The following SIPA1L1 variants were observed in gnomAD, a reference collection of about 807,000 sequenced individuals.
SIPA1L1 encodes the protein signal induced proliferation associated 1 like 1.
Under a neutral mutation model 162.7 loss-of-function variants are expected in SIPA1L1, and 26 were observed. That is an observed-to-expected ratio of 0.16 (90% CI 0.12 to 0.22). The LOEUF is 0.22. SIPA1L1 is among the 10% of genes least tolerant of loss of function. The pLI is 1.00. For synonymous variants in SIPA1L1, 829 were observed against 837.4 expected, an observed-to-expected ratio of 0.99 and a Z score of 0.17; for missense variants, 1,874 against 2,241.0, an observed-to-expected ratio of 0.84 and a Z score of 3.31.
intron 2 of SIPA1L1, among the ~76,000 whole-genome samples, chr14:71,446,894 G>GGTTTTTTTT (rs2045394010): frequency 2.3e-5 from 2 of 87,404 alleles, no homozygotes; most frequent in African/African-American, 4.3e-5. Context: ...GATGGGCTCT[G>GGTTTTTTTT]TTTTTTTTTT....
intron 2 of SIPA1L1, chr14:71,330,796 A>C: frequency 1.4e-6 from 1 of 705,212 alleles, no homozygotes; most frequent in Non-Finnish European, 2.6e-6. Flanking sequence ...TGACGACCTC[A>C]GGCTTCACTC....
chr14:71,403,621 A>T (rs1289026481), intron 2 of SIPA1L1, among the ~76,000 whole-genome samples: 2 of 151,882 alleles, frequency 1.3e-5, no homozygotes, highest in Non-Finnish European at 1.5e-5. Context: ...AAAAAAAAAA[A>T]AAATCTTAAT....
chr14:71,659,560 C>CATT (rs2043332847), intron 9 of SIPA1L1, among the ~76,000 whole-genome samples: 1 of 151,968 alleles, frequency 6.6e-6, no homozygotes, highest in South Asian at 2.1e-4. Flanking sequence ...AGAAAAACAC[C>CATT]ATGCTAAGAA....
intron 7 of SIPA1L1, among the ~76,000 whole-genome samples, chr14:71,629,813 T>A (rs2148707748): frequency 6.6e-6 from 1 of 152,352 alleles, no homozygotes; most frequent in East Asian, 1.9e-4. Flanking sequence ...GAGAAAGTGA[T>A]CATATTTAAT....
intron 3 of SIPA1L1, among the ~76,000 whole-genome samples, chr14:71,527,259 T>C (rs2052975274): frequency 6.6e-6 from 1 of 152,328 alleles, no homozygotes; most frequent in South Asian, 2.1e-4. Flanking sequence ...GCGATCCTCC[T>C]GCTTCAGCCT....
chr14:71,650,272 C>A, intron 7 of SIPA1L1, 63 bp from the exon 8 acceptor site: 1 of 1,551,916 alleles, frequency 6.4e-7, no homozygotes, highest in Non-Finnish European at 8.9e-7. Flanking sequence ...GACCTTTTAG[C>A]ATTTGACTGG....
At chr14:71,737,014 G>A (rs533395226) in intron 22 of SIPA1L1, among the ~76,000 whole-genome samples, 14 of 152,244 alleles carry the variant, frequency 9.2e-5, no homozygotes, top group African/African-American at 2.2e-4. Flanking sequence ...ACCCAAAATC[G>A]GACCAGCCTG....
At chr14:71,356,622 G>C (rs1250743837) in intron 2 of SIPA1L1, among the ~76,000 whole-genome samples, 3 of 144,928 alleles carry the variant, frequency 2.1e-5, no homozygotes, top group Non-Finnish European at 4.5e-5. Flanking sequence ...GGGAGGCTGA[G>C]GCAGGAGGAT....
intron 2 of SIPA1L1, among the ~76,000 whole-genome samples, chr14:71,371,265 C>T (rs1250349875): frequency 1.3e-5 from 2 of 152,092 alleles, no homozygotes; most frequent in Non-Finnish European, 1.5e-5. Context: ...GTAATGGTTG[C>T]CTTACCTTGA....
chr14:71,366,116 C>G (rs764557443), intron 2 of SIPA1L1, among the ~76,000 whole-genome samples: 24 of 152,070 alleles, frequency 1.6e-4, no homozygotes, highest in Non-Finnish European at 3.1e-4. Context: ...AAGTCTTAAT[C>G]TCTAGAGGTC....
intron 7 of SIPA1L1, among the ~76,000 whole-genome samples, chr14:71,625,039 T>C (rs574500779): frequency 6.6e-6 from 1 of 152,306 alleles, no homozygotes; most frequent in African/African-American, 2.4e-5. Flanking sequence ...TAACATTACA[T>C]TTAAAAATTA....
At chr14:71,676,775 C>T (rs1740901545) in intron 12 of SIPA1L1, among the ~76,000 whole-genome samples, 1 of 151,942 alleles carries the variant, frequency 6.6e-6, no homozygotes, top group African/African-American at 2.4e-5. Context: ...TGGTTTCCAG[C>T]ATCTTCTATG....
intron 2 of SIPA1L1, among the ~76,000 whole-genome samples, chr14:71,407,810 T>A (rs1394848221): frequency 6.6e-6 from 1 of 152,238 alleles, no homozygotes; most frequent in Non-Finnish European, 1.5e-5. Context: ...CTAGACTTTT[T>A]CTTTTTAGAA....
Position 71,671,195 on chromosome 14 carries a change from A to G in SIPA1L1, c.2332A>G (p.Asn778Asp), listed in dbSNP as rs183334621. The change falls in exon 11 of 24, where the codon AAT (asparagine) becomes GAT (aspartate). Residue 778 changes from asparagine to aspartate, a missense_variant. Around this residue, in one of 5 missense-constraint regions of SIPA1L1, gnomAD observed 243 missense variants for 315.0 expected, o/e 0.77. Coordinates refer to ENST00000381232, the MANE Select transcript of SIPA1L1 (RefSeq NM_001386936.1). ...TAAAGGGGTCACTTTCCCTAAGTCA[A>G]ATGTGTTCAGGGACTTCCTTTTGGC... ...IPKGVTFPKS[N>D]VFRDFLLAKV... The G allele has an allele frequency of 1.5e-5, 24 of 1,614,052 alleles. No homozygotes were observed. Among genetic ancestry groups the G allele is most frequent in the African/African-American group, 4.0e-5 (3 of 74,918 alleles).
At chr14:71,624,259 A>G in intron 7 of SIPA1L1, 23 bp downstream of exon 7, 1 of 1,585,510 alleles carries the variant, frequency 6.3e-7, no homozygotes, top group East Asian at 2.3e-5. Flanking sequence ...TTCTGAGGAG[A>G]GCATTCTTGC....
chr14:71,529,926 G>A (rs2053267635), intron 4 of SIPA1L1, among the ~76,000 whole-genome samples: 1 of 152,240 alleles, frequency 6.6e-6, no homozygotes, highest in East Asian at 1.9e-4. Flanking sequence ...GTTGTTGTGC[G>A]CTGGTGTGAG....
intron 2 of SIPA1L1, among the ~76,000 whole-genome samples, chr14:71,391,327 G>T (rs1312872395): frequency 6.6e-6 from 1 of 152,016 alleles, no homozygotes; most frequent in Non-Finnish European, 1.5e-5. Context: ...GGATGGTCTC[G>T]ATCTCTTGAC....
chr14:71,704,643 G>T, intron 15 of SIPA1L1: 1 of 1,037,888 alleles, frequency 9.6e-7, no homozygotes, highest in South Asian at 1.3e-5. Flanking sequence ...ACCCCATCTT[G>T]AACGCCAGCT....
intron 7 of SIPA1L1, among the ~76,000 whole-genome samples, chr14:71,631,979 G>A (rs1376839489): frequency 2.0e-5 from 3 of 152,196 alleles, no homozygotes. Flanking sequence ...TTATTTTAAT[G>A]ACCAAGGTCT....
Sources: allele counts gnomAD v4.1 joint callset (sites outside exome capture counted in the v4.1 genomes callset), GRCh38; gene constraint gnomAD v4.1.1; regional missense constraint gnomAD v4.1.1; transcripts MANE v1.5; gene names NCBI Gene and HGNC (gene_info 2026-07-23, HGNC 2026-07-21).